ST6GALNAC4: variants seen among roughly 807,000 people sequenced by gnomAD.
ST6GALNAC4 encodes alpha-N-acetyl-neuraminyl-2,3-beta-galactosyl-1,3-N-acetyl-galactosaminide alpha-2,6-sialyltransferase.
A neutral mutation model predicts 30.4 loss-of-function variants in ST6GALNAC4; 24 were observed. That is an observed-to-expected ratio of 0.79 (90% CI 0.57 to 1.11). ST6GALNAC4 has a LOEUF of 1.11. ST6GALNAC4 is among the 50% of genes most tolerant of loss of function. The pLI, the probability that ST6GALNAC4 is intolerant of heterozygous loss-of-function variation, is 0.00. For synonymous variants in ST6GALNAC4, 156 were observed against 179.7 expected (o/e 0.87, Z 1.05); for missense variants, 365 against 430.1 (o/e 0.85, Z 1.34).
At chr9:127,909,584 A>T (rs1331146052) in intron 5 of ST6GALNAC4, among the ~76,000 whole-genome samples, 1 of 151,456 alleles carries the variant, frequency 6.6e-6, no homozygotes, top group Non-Finnish European at 1.5e-5. Context: ...GGCCCTATAT[A>T]TATAGGCCCT....
chr9:127,909,816 G>T lies in ST6GALNAC4; in HGVS notation c.719+135C>A, dbSNP rs564558028. The T allele has an allele frequency of 3.3e-5, 27 of 828,822 alleles. No homozygotes were observed. In the South Asian group the frequency reaches 4.1e-4, roughly 13 times the overall value. 51.3% of individuals were successfully genotyped at this position (828,822 alleles called of 1,614,324 possible). On this transcript the variant is annotated intron_variant, in intron 5 of 5. Coordinates refer to ENST00000335791, the MANE Select transcript of ST6GALNAC4 (RefSeq NM_175039.4). ...TTTCCCAAGGCCCAGAGCGCAAGGG[G>T]TATCTGTGCTATGGTCACCCACCAT...
At chr9:127,909,847 CCA>C (rs1831033946) in intron 5 of ST6GALNAC4, 102 bp downstream of exon 5, 1 of 1,143,222 alleles carries the variant, frequency 8.7e-7, no homozygotes. Flanking sequence ...ACCATGAAGC[CCA>C]CACTCCCTCT....
intron 5 of ST6GALNAC4, among the ~76,000 whole-genome samples, chr9:127,909,361 C>A (rs1208020088): frequency 6.6e-6 from 1 of 150,560 alleles, no homozygotes; most frequent in African/African-American, 2.4e-5. Flanking sequence ...TGCACTCCAG[C>A]CTGGGCAACA....
intron 3 of ST6GALNAC4, among the ~76,000 whole-genome samples, 183 bp from the exon 4 acceptor site, chr9:127,912,863 T>C (rs1807389098): frequency 6.6e-6 from 1 of 152,158 alleles, no homozygotes; most frequent in South Asian, 2.1e-4. Context: ...TGATACCCAG[T>C]GTCAGAGCTA....
chr9:127,910,394 C>G, intron 4 of ST6GALNAC4: 2 of 1,086,288 alleles, frequency 1.8e-6, no homozygotes, highest in Non-Finnish European at 2.2e-6. Context: ...CCTGGGGAGA[C>G]AGCATGAGGC....
chr9:127,909,887 T>C (rs1222863759), intron 5 of ST6GALNAC4, 64 bp downstream of exon 5: 1 of 1,513,766 alleles, frequency 6.6e-7, no homozygotes, highest in African/African-American at 1.4e-5. Flanking sequence ...ATCCTCTGGT[T>C]TAAGGCCTAG....
chr9:127,914,181 G>A (rs973520288), intron 3 of ST6GALNAC4, among the ~76,000 whole-genome samples: 4 of 151,942 alleles, frequency 2.6e-5, no homozygotes, highest in Non-Finnish European at 4.4e-5. Context: ...GATCACCTGA[G>A]GTTGGGAGTT....
chr9:127,908,477 C>T lies in ST6GALNAC4; in HGVS notation c.824G>A (p.Arg275His), dbSNP rs768009801. ...AHEQAPRSAH[R>H]FITEKAVFSR... ...GAAGACCGCCTTCTCAGTGATGAAG[C>T]GGTGGGCGCTTCGGGGCGCCTGCTC... Residue 275 changes from arginine (R) to histidine (H), a missense_variant, in exon 6 of 6, where the codon CGC (arginine) becomes CAC (histidine). Coordinates refer to ENST00000335791, the MANE Select transcript of ST6GALNAC4 (RefSeq NM_175039.4). The T allele has an allele frequency of 3.2e-5, 52 of 1,610,318 alleles. No homozygotes were observed. The highest frequency in any genetic ancestry group is 1.0e-4 in the Admixed American group (6 of 59,852).
At chr9:127,910,816 T>C (rs1211842911) in intron 4 of ST6GALNAC4, among the ~76,000 whole-genome samples, 1 of 152,050 alleles carries the variant, frequency 6.6e-6, no homozygotes, top group Non-Finnish European at 1.5e-5. Context: ...AAGCACCAGA[T>C]GGGAAGGGAA....
At chr9:127,911,721 G>A (rs545226053) in intron 4 of ST6GALNAC4, among the ~76,000 whole-genome samples, 122 of 152,278 alleles carry the variant, frequency 8.0e-4, no homozygotes, top group African/African-American at 2.5e-3. Context: ...TCTTGACCTC[G>A]TGATCCTTCC....
chr9:127,908,737 T>C (rs1030881631), intron 5 of ST6GALNAC4, among the ~76,000 whole-genome samples, 156 bp from the exon 6 acceptor site: 9 of 151,176 alleles, frequency 6.0e-5, no homozygotes, highest in Middle Eastern at 3.4e-3. Flanking sequence ...GAGTAGCAGA[T>C]CCCGAGAGCC....
intron 2 of ST6GALNAC4, 194 bp downstream of exon 2, chr9:127,916,214 G>A: frequency 1.4e-6 from 1 of 695,140 alleles, no homozygotes; most frequent in South Asian, 1.7e-5. Flanking sequence ...TACTGACACT[G>A]CAGAGTGGAT....
chr9:127,910,082 G>A (rs2131618349), intron 4 of ST6GALNAC4, 24 bp from the exon 5 acceptor site: 2 of 1,610,740 alleles, frequency 1.2e-6, no homozygotes, highest in East Asian at 2.2e-5. Context: ...GGGGACAGGG[G>A]GACGCTGTCA....
At chr9:127,910,080 GGGGACGCTGTCAACAAGA>G (rs757201864) in intron 4 of ST6GALNAC4, 22 bp from the exon 5 acceptor site, 1 of 1,611,036 alleles carries the variant, frequency 6.2e-7, no homozygotes, top group South Asian at 1.1e-5. Flanking sequence ...GGGGGGACAG[GGGGACGCTGTCAACAAGA>G]GGCCATGTGG....
chr9:127,908,516 A>G lies in ST6GALNAC4; in HGVS notation c.785T>C (p.Met262Thr). 1 of 1,608,680 alleles carries G rather than the reference A, an allele frequency of 6.2e-7. No homozygotes were observed. The highest frequency in any genetic ancestry group is 2.2e-5 in the East Asian group (1 of 44,668). The part of the protein sequence containing the change: ...FEKGRLDECQ[M>T]YLAHEQAPRS... Reference sequence around the variant, plus strand: ...GGGCGCCTGCTCGTGTGCCAGGTACATCTGACACTCATCTAGCCGGCCCTT... The same window carrying G: ...GGGCGCCTGCTCGTGTGCCAGGTACGTCTGACACTCATCTAGCCGGCCCTT... The change falls in exon 6 of 6, where the codon ATG becomes ACG. Residue 262 changes from methionine (M) to threonine (T), a missense_variant. Transcript: ENST00000335791.
intron 5 of ST6GALNAC4, among the ~76,000 whole-genome samples, chr9:127,909,281 A>T (rs1052490954): frequency 2.0e-5 from 3 of 151,508 alleles, no homozygotes; most frequent in Non-Finnish European, 4.4e-5. Flanking sequence ...CCCAGCGACT[A>T]GGGAGGCTGA....
In ST6GALNAC4 at chr9:127,912,442, G is replaced by A. The variant is rs755341475; in HGVS notation, c.437C>T (p.Thr146Met). The change falls in exon 4 of 6, where the codon ACG becomes ATG. Residue 146 changes from threonine to methionine, a missense_variant. By Grantham distance (81) the Thr-to-Met change is moderately conservative. Transcript: ENST00000335791. ...YSHYFQKARD[T>M]LYMVWGQGRH... ...GCCCTGGCCCCACACCATGTAGAGC[G>A]TGTCTCGGGCCTTCTGGAAGTAGTG... 18 of 1,613,988 alleles carry A rather than the reference G, an allele frequency of 1.1e-5. No homozygotes were observed. Among genetic ancestry groups the A allele is most frequent in the East Asian group, 2.2e-5 (1 of 44,898 alleles).
At chr9:127,910,114 C>T in intron 4 of ST6GALNAC4, 56 bp from the exon 5 acceptor site, 1 of 1,594,418 alleles carries the variant, frequency 6.3e-7, no homozygotes, top group Non-Finnish European at 8.5e-7. Context: ...TGTGGTAGCT[C>T]CAGGCCCCAG....
intron 3 of ST6GALNAC4, among the ~76,000 whole-genome samples, chr9:127,914,223 C>T (rs1440915457): frequency 6.6e-6 from 1 of 151,592 alleles, no homozygotes; most frequent in Non-Finnish European, 1.5e-5. Context: ...GGAGAAACCC[C>T]ATCCCTACTA....
Sources: allele counts gnomAD v4.1 joint callset (sites outside exome capture counted in the v4.1 genomes callset), GRCh38; gene constraint gnomAD v4.1.1; transcripts MANE v1.5; gene names NCBI Gene and HGNC (gene_info 2026-07-23, HGNC 2026-07-21).